Variants in ZSWIM9 observed in about 807,000 individuals in gnomAD.
The protein encoded by ZSWIM9 is zinc finger SWIM-type containing 9.
In ZSWIM9, 11 loss-of-function variants were observed where a neutral mutation model predicts 25.0. The ratio of observed to expected loss-of-function variants is 0.44; its 90% confidence interval spans 0.28 to 0.73. The LOEUF (loss-of-function observed/expected upper bound fraction) is 0.73. Ranked by LOEUF, ZSWIM9 falls within the 30% of genes least tolerant of loss-of-function variation. The pLI is 0.16. For synonymous variants in ZSWIM9, 562 were observed against 582.1 expected (o/e 0.97, Z 0.50); for missense variants, 1,070 against 1,296.5 (o/e 0.83, Z 2.68).
chr19:48,196,481 CA>C lies in ZSWIM9; in HGVS notation c.2420del (p.Lys807ArgfsTer69). On this transcript the variant is annotated frameshift_variant, in exon 4 of 4. Transcript: ENST00000614654. LOFTEE classifies it high-confidence loss of function. ...GGAGGCGAAGATGGCCCCAGGGAAC[CA>C]AAGAGGCTTTGCCGACCCCCGGGAG... is the stretch of plus-strand genomic sequence containing the variant. ...QEGGEDGPRE[P>X]KRLCRPPGEE... The C allele has an allele frequency of 8.1e-7, 1 of 1,232,506 alleles. No individual in the cohort carries two copies. Among genetic ancestry groups the C allele is most frequent in the Non-Finnish European group, 1.0e-6 (1 of 988,376 alleles). 76.3% of individuals were successfully genotyped at this position (1,232,506 alleles called of 1,614,324 possible). A position where few individuals can be genotyped will look rare whatever the true frequency, so the allele number is the denominator to read the frequency against.
chr19:48,183,257 T>C (rs1292414249), intron 3 of ZSWIM9, among the ~76,000 whole-genome samples: 1 of 151,980 alleles, frequency 6.6e-6, no homozygotes, highest in Admixed American at 6.6e-5. Context: ...GCCTTCCGAG[T>C]ACCTGGGACT....
chr19:48,187,581 T>TATATA (rs2037043887), intron 3 of ZSWIM9: 13 of 60,904 alleles, frequency 2.1e-4, no homozygotes, highest in East Asian at 6.3e-4. Context: ...ATATATATTA[T>TATATA]ATATTATATA....
At position 48,195,432 on chromosome 19, in the gene ZSWIM9, T is replaced by G; in HGVS notation, c.1368T>G (p.Asp456Glu). Reference protein sequence around the residue: ...GPDGGGPWLEDEPGRGAQGEN... With the variant: ...GPDGGGPWLEEEPGRGAQGEN... ...ATGGCGGGGGGCCTTGGCTGGAGGA[T>G]GAGCCAGGGAGGGGAGCCCAGGGGG... The change falls in exon 4 of 4, where the codon GAT becomes GAG. Residue 456 changes from aspartate (D) to glutamate (E), a missense_variant. This residue lies in a region of ZSWIM9 where 583 missense variants were observed against 624.7 expected (regional missense o/e 0.93). Coordinates refer to ENST00000614654, the MANE Select transcript of ZSWIM9 (RefSeq NM_199341.4). This position sits in a 1 kb window ranked among gnomAD's most constrained non-coding sequence, Gnocchi z 5.8. 3 of 1,443,466 alleles carry G rather than the reference T, an allele frequency of 2.1e-6. No homozygotes were observed. Among genetic ancestry groups the G allele is most frequent in the Non-Finnish European group, 2.7e-6 (3 of 1,107,000 alleles). 89.4% of individuals were successfully genotyped at this position (1,443,466 alleles called of 1,614,324 possible).
chr19:48,179,246 G>A (rs1229944939), intron 2 of ZSWIM9, among the ~76,000 whole-genome samples: 2 of 151,498 alleles, frequency 1.3e-5, no homozygotes, highest in Admixed American at 1.3e-4. Flanking sequence ...CTATAACCTC[G>A]GATTCCTGGG....
chr19:48,187,963 G>GATAA (rs1236077887), intron 3 of ZSWIM9, among the ~76,000 whole-genome samples: 2 of 150,988 alleles, frequency 1.3e-5, no homozygotes, highest in Non-Finnish European at 2.9e-5. Flanking sequence ...TAGATAGATA[G>GATAA]ATAGATAGAT....
Position 48,196,027 on chromosome 19 carries a change from G to A in ZSWIM9, c.1963G>A (p.Gly655Arg). ...WKGPQSEVEK[G>R]RGLEVRNLRG... ...GGGGCCACAGTCAGAAGTAGAGAAG[G>A]GGAGGGGGCTGGAGGTCAGAAACTT... Residue 655 changes from glycine to arginine, a missense_variant, in exon 4 of 4, where the codon GGG (glycine) becomes AGG (arginine). Transcript: ENST00000614654. 1 of 1,270,186 alleles carries A rather than the reference G, an allele frequency of 7.9e-7. No homozygotes were observed. The highest frequency in any genetic ancestry group is 9.9e-7 in the Non-Finnish European group (1 of 1,010,356). 78.7% of individuals were successfully genotyped at this position (1,270,186 alleles called of 1,614,324 possible). A position where few individuals can be genotyped will look rare whatever the true frequency, so the allele number is the denominator to read the frequency against.
chr19:48,185,239 A>G (rs972283992), intron 3 of ZSWIM9, among the ~76,000 whole-genome samples: 4 of 151,496 alleles, frequency 2.6e-5, no homozygotes, highest in Non-Finnish European at 4.4e-5. Flanking sequence ...TCCCGGGTTC[A>G]AACGATTCTC....
chr19:48,183,918 T>C (rs2036983239), intron 3 of ZSWIM9, among the ~76,000 whole-genome samples: 1 of 151,400 alleles, frequency 6.6e-6, no homozygotes, highest in Non-Finnish European at 1.5e-5. Context: ...GTGCTGGGAT[T>C]ACAGGCATGA....
Position 48,195,579 on chromosome 19 carries a change from G to C in ZSWIM9, c.1515G>C (p.Trp505Cys). 6.4e-6 allele frequency: 9 copies of C among 1,417,090 alleles called. No homozygotes were observed. The highest frequency in any genetic ancestry group is 8.2e-6 in the Non-Finnish European group (9 of 1,090,924). The allele number at this position is 1,417,090 out of a possible 1,614,324, so 87.8% of individuals were successfully genotyped here. A position where few individuals can be genotyped will look rare whatever the true frequency, so the allele number is the denominator to read the frequency against. Residue 505 changes from tryptophan (W) to cysteine (C), a missense_variant, in exon 4 of 4, where the codon TGG (tryptophan) becomes TGC (cysteine). Trp to Cys is a radical substitution (Grantham distance 215, BLOSUM62 -2). Coordinates refer to ENST00000614654, the MANE Select transcript of ZSWIM9 (RefSeq NM_199341.4). The surrounding 1 kb of genome is among the most constrained non-coding windows in gnomAD (Gnocchi z 5.8). Reference protein sequence around the residue: ...EWARALETRDWGGAQFEGEKG... With the variant: ...EWARALETRDCGGAQFEGEKG... ...CAAGGGCACTGGAAACCAGAGACTG[G>C]GGCGGGGCTCAGTTCGAAGGTGAGA...
intron 3 of ZSWIM9, among the ~76,000 whole-genome samples, chr19:48,184,010 G>GT (rs1326371784): frequency 6.6e-6 from 1 of 151,298 alleles, no homozygotes; most frequent in Non-Finnish European, 1.5e-5. Context: ...TAAATACTTA[G>GT]TTTGATGAAT....
At position 48,194,854 on chromosome 19, in the gene ZSWIM9, C is replaced by A; in HGVS notation, c.790C>A (p.Arg264Ser). The change falls in exon 4 of 4, where the codon CGC (arginine) becomes AGC (serine). Residue 264 changes from arginine (R) to serine (S), a missense_variant. This residue lies in a region of ZSWIM9 where 38 missense variants were observed against 89.7 expected (regional missense o/e 0.42). Coordinates refer to ENST00000614654, the MANE Select transcript of ZSWIM9 (RefSeq NM_199341.4). The surrounding 1 kb of genome is among the most constrained non-coding windows in gnomAD (Gnocchi z 6.0). ...GCGCCAGGCTGCCTGCTGCGTGGCG[C>A]GCCCGGGCACACCGAGCCTGCTGCG... ...RARQAACCVA[R>S]PGTPSLLRFA... 1.5e-6 allele frequency: 2 copies of A among 1,364,462 alleles called. No homozygotes were observed. Among genetic ancestry groups the A allele is most frequent in the African/African-American group, 1.5e-5 (1 of 64,558 alleles). The allele number at this position is 1,364,462 out of a possible 1,614,324, so 84.5% of individuals were successfully genotyped here.
At chr19:48,171,288 T>C (rs2036801633) in intron 1 of ZSWIM9, 1 of 985,092 alleles carries the variant, frequency 1.0e-6, no homozygotes, top group East Asian at 1.1e-4. Context: ...GTGGCCTGGA[T>C]GTGGGAGCAC....
rs927602243 is a variant in ZSWIM9, at chr19:48,197,224, G to T, written c.*397G>T. 1 of 702,398 alleles carries T rather than the reference G, an allele frequency of 1.4e-6. No individual in the cohort carries two copies. Among genetic ancestry groups the T allele is most frequent in the African/African-American group, 1.8e-5 (1 of 57,120 alleles). The allele number at this position is 702,398 out of a possible 1,614,324, so 43.5% of individuals were successfully genotyped here. On this transcript the variant is annotated 3_prime_UTR_variant, in exon 4 of 4. Transcript: ENST00000614654. ...TGGCCAGTCTAGGGAGTGCAGCGGGGAGAGGGGAAAGGGAGAAAGTACAGA... is the reference window on the plus strand; with the variant it reads ...TGGCCAGTCTAGGGAGTGCAGCGGGTAGAGGGGAAAGGGAGAAAGTACAGA...
chr19:48,192,503 A>ACACACC, intron 3 of ZSWIM9, among the ~76,000 whole-genome samples: 1 of 69,048 alleles, frequency 1.4e-5, no homozygotes, highest in Non-Finnish European at 3.2e-5. Flanking sequence ...ATATATACAC[A>ACACACC]CACACACACA....
In ZSWIM9 at chr19:48,196,776, A is replaced by G; in HGVS notation, c.2712A>G (p.Leu904=). 3.2e-6 allele frequency: 4 copies of G among 1,234,426 alleles called. No homozygotes were observed. The highest frequency in any genetic ancestry group is 4.0e-6 in the Non-Finnish European group (4 of 989,534). 76.5% of individuals were successfully genotyped at this position (1,234,426 alleles called of 1,614,324 possible). Residue 904 remains leucine (L), a synonymous_variant, in exon 4 of 4, where the codon TTA becomes TTG. Transcript: ENST00000614654. ...FAARLLTGAA[L]FHMDLLRDCW... is the part of the protein sequence containing the mutation. ...CGCGCCTCCTCACTGGGGCTGCCTT[A>G]TTCCACATGGACCTGCTCAGGGATT...
intron 2 of ZSWIM9, among the ~76,000 whole-genome samples, chr19:48,178,666 T>G (rs1307494241): frequency 1.3e-5 from 2 of 151,966 alleles, no homozygotes; most frequent in African/African-American, 4.8e-5. Context: ...AACCTCCACC[T>G]CCTGGGTTCA....
At chr19:48,186,607 T>C (rs1394070230) in intron 3 of ZSWIM9, 2 of 154,866 alleles carry the variant, frequency 1.3e-5, no homozygotes, top group African/African-American at 4.8e-5. Context: ...GGCCTGTACA[T>C]GCTGTTTTGC....
chr19:48,188,533 A>G (rs1599932025), intron 3 of ZSWIM9, among the ~76,000 whole-genome samples: 1 of 151,446 alleles, frequency 6.6e-6, no homozygotes, highest in African/African-American at 2.4e-5. Flanking sequence ...AACCTTTAAC[A>G]CCTTTTATCA....
chr19:48,179,247 G>A, intron 2 of ZSWIM9, among the ~76,000 whole-genome samples: 1 of 151,950 alleles, frequency 6.6e-6, no homozygotes, highest in Admixed American at 6.6e-5. Context: ...TATAACCTCG[G>A]ATTCCTGGGC....
Sources: allele counts gnomAD v4.1 joint callset (sites outside exome capture counted in the v4.1 genomes callset), GRCh38; gene constraint gnomAD v4.1.1; regional missense constraint gnomAD v4.1.1; non-coding constraint Gnocchi (gnomAD v3.1); transcripts MANE v1.5; gene names NCBI Gene and HGNC (gene_info 2026-07-23, HGNC 2026-07-21).